Variants in SLC18A1 observed in about 807,000 individuals in gnomAD.
SLC18A1 encodes chromaffin granule amine transporter.
In SLC18A1, 69 loss-of-function variants were observed where a neutral mutation model predicts 53.7. The observed-to-expected ratio is 1.28, with a 90% confidence interval of 1.06 to 1.57. SLC18A1 has a LOEUF of 1.57. Among genes scored for constraint, SLC18A1 ranks in the 40% most tolerant of loss-of-function variants. SLC18A1 has a pLI of 0.00. For synonymous variants in SLC18A1, 320 were observed against 248.1 expected, an observed-to-expected ratio of 1.29 and a Z score of -2.72; for missense variants, 932 against 668.1, an observed-to-expected ratio of 1.40 and a Z score of -4.35.
At position 20,171,124 on chromosome 8, in the gene SLC18A1, C is replaced by T. The variant is rs771922514; in HGVS notation, c.837G>A (p.Gln279=). The change falls in exon 8 of 16, where the codon CAG becomes CAA. Residue 279 remains glutamine, a synonymous_variant. Coordinates refer to ENST00000276373, the MANE Select transcript of SLC18A1 (RefSeq NM_003053.4). ...TTACCTCAGGAGAGACTTTGGAAGG[C>T]TGTAGGATGCAAAGCTGGAGTGCTA... ...LDGALQLCIL[Q]PSKVSPESAK... The T allele has an allele frequency of 9.3e-6, 15 of 1,614,052 alleles. No individual in the cohort carries two copies. In the South Asian group the frequency reaches 1.3e-4, roughly 14 times the overall value.
rs1585222003 is a variant in SLC18A1, at chr8:20,174,415, G to C, written c.577C>G (p.Leu193Val). 6.2e-7 allele frequency: 1 copy of C among 1,613,976 alleles called. No individual in the cohort carries two copies. The highest frequency in any genetic ancestry group is 8.5e-7 in the Non-Finnish European group (1 of 1,179,874). The change falls in exon 5 of 16, where the codon CTC becomes GTC. Residue 193 changes from leucine to valine, a missense_variant. By Grantham distance (32) the Leu-to-Val change is conservative. Coordinates refer to ENST00000276373, the MANE Select transcript of SLC18A1 (RefSeq NM_003053.4). ...MFAFSGTYTL[L>V]FVARTLQGIG... ...CCTTGAAGGGTTCGGGCCACAAAGAGTAGAGTATAGGTCCCAGAAAAAGCA... is the reference window on the plus strand; with the variant it reads ...CCTTGAAGGGTTCGGGCCACAAAGACTAGAGTATAGGTCCCAGAAAAAGCA...
rs76031853 is a variant in SLC18A1 at position 20,150,918 on chromosome 8, C to G, written c.1016-174G>C. On this transcript the variant is annotated intron_variant, in intron 10 of 15. Transcript: ENST00000276373. Reference sequence around the variant, plus strand: ...CACAGTAGTTGCCATAGGACCCCCACACCTCTCCTTTCTTCAGGAGCAAGG... The same window carrying G: ...CACAGTAGTTGCCATAGGACCCCCAGACCTCTCCTTTCTTCAGGAGCAAGG... 4 of 611,738 alleles carry G rather than the reference C, an allele frequency of 6.5e-6. No homozygotes were observed. In the African/African-American group the frequency reaches 7.4e-5, roughly 11 times the overall value. The allele number at this position is 611,738 out of a possible 1,614,324, so 37.9% of individuals were successfully genotyped here. A position where few individuals can be genotyped will look rare whatever the true frequency, so the allele number is the denominator to read the frequency against.
chr8:20,181,217 T>TGA (rs1246848835), intron 1 of SLC18A1, 130 bp from the exon 2 acceptor site: 1 of 329,546 alleles, frequency 3.0e-6, no homozygotes, highest in Non-Finnish European at 5.6e-6. Flanking sequence ...GCCTTCCTGG[T>TGA]AAGCATCGCT....
At chr8:20,151,130 C>A (rs1217036399) in intron 10 of SLC18A1, 1 of 161,408 alleles carries the variant, frequency 6.2e-6, no homozygotes, top group Admixed American at 6.2e-5. Context: ...CACCACCACA[C>A]CTAGTTGTTT....
intron 3 of SLC18A1, among the ~76,000 whole-genome samples, chr8:20,178,773 A>G (rs905517717): frequency 1.3e-5 from 2 of 152,180 alleles, no homozygotes; most frequent in African/African-American, 2.4e-5. Context: ...ATAATCGTCA[A>G]TACAACTCCT....
Position 20,165,814 on chromosome 8 carries a change from CCTT to C in SLC18A1, c.859-710_859-708del, listed in dbSNP as rs538800400. The stretch of plus-strand genomic sequence containing the variant: ...TCTTTAAAGTCAAGCTTAAATGGCT[CCTT>C]CTTTTCTAGAGAGCTCCCTGACTCA... On this transcript the variant is annotated intron_variant, in intron 8 of 15. Coordinates refer to ENST00000276373, the MANE Select transcript of SLC18A1 (RefSeq NM_003053.4). Among the ~76,000 whole-genome samples the C allele has an allele frequency of 4.5e-4, 68 of 152,246 alleles. 1 individual carries two copies. The highest frequency in any genetic ancestry group is 1.6e-3 in the African/African-American group (67 of 41,554).
At chr8:20,164,611 A>G (rs921671167) in intron 10 of SLC18A1, among the ~76,000 whole-genome samples, 1 of 152,152 alleles carries the variant, frequency 6.6e-6, no homozygotes, top group Non-Finnish European at 1.5e-5. Flanking sequence ...GAATCTTTGG[A>G]CTGGAAATCA....
At chr8:20,166,796 G>C (rs2071978539) in intron 8 of SLC18A1, among the ~76,000 whole-genome samples, 1 of 152,072 alleles carries the variant, frequency 6.6e-6, no homozygotes, top group Non-Finnish European at 1.5e-5. Context: ...AGGTAATTAA[G>C]GTTAAATGAG....
At chr8:20,163,244 T>C (rs1242366672) in intron 10 of SLC18A1, among the ~76,000 whole-genome samples, 1 of 152,136 alleles carries the variant, frequency 6.6e-6, no homozygotes, top group Non-Finnish European at 1.5e-5. Context: ...CTCACTCCCA[T>C]GATAATGGCC....
chr8:20,178,594 G>T, intron 3 of SLC18A1, 101 bp from the exon 4 acceptor site: 1 of 833,354 alleles, frequency 1.2e-6, no homozygotes, highest in Non-Finnish European at 1.9e-6. Flanking sequence ...GCAGCTATTT[G>T]GGTGTATGGT....
At chr8:20,161,324 A>C (rs1356329303) in intron 10 of SLC18A1, among the ~76,000 whole-genome samples, 3 of 152,212 alleles carry the variant, frequency 2.0e-5, no homozygotes. Context: ...CTTGGATTCA[A>C]CTAATCGCAG....
rs1370227078 is a variant in SLC18A1 at position 20,180,942 on chromosome 8, G to A, written c.23C>T (p.Ala8Val). ...CCCCTCCTTCAGCAACCGCTGGGGAGCATCCAGAATGGTCCGGAGCATGGT... is the reference window on the plus strand; with the variant it reads ...CCCCTCCTTCAGCAACCGCTGGGGAACATCCAGAATGGTCCGGAGCATGGT... MLRTILD[A>V]PQRLLKEGRA... Residue 8 changes from alanine to valine, a missense_variant, in exon 2 of 16, where the codon GCT becomes GTT. By Grantham distance (64) the Ala-to-Val change is moderately conservative (BLOSUM62 0). Transcript: ENST00000276373. 3.8e-6 allele frequency: 6 copies of A among 1,593,566 alleles called. No individual in the cohort carries two copies. In the East Asian group the frequency reaches 1.2e-4, roughly 31 times the overall value.
chr8:20,178,690 T>C (rs77280756), intron 3 of SLC18A1, among the ~76,000 whole-genome samples, 197 bp from the exon 4 acceptor site: 2,307 of 152,264 alleles, frequency 0.015, 57 homozygotes, highest in African/African-American at 0.052. Flanking sequence ...GATATGACCA[T>C]AGATCAGGGC....
chr8:20,150,658 C>G lies in SLC18A1; in HGVS notation c.1094+8G>C, dbSNP rs751251164. On this transcript the variant is annotated splice_region_variant and intron_variant, in intron 11 of 15. Coordinates refer to ENST00000276373, the MANE Select transcript of SLC18A1 (RefSeq NM_003053.4). ...CTACTGTTCGTCCCAGATCCCGAGG[C>G]TACATACCGACCCATCTTGTTGGCC... 6.2e-7 allele frequency: 1 copy of G among 1,613,128 alleles called. No homozygotes were observed. The highest frequency in any genetic ancestry group is 8.5e-7 in the Non-Finnish European group (1 of 1,179,092).
intron 4 of SLC18A1, 120 bp downstream of exon 4, chr8:20,178,315 C>G (rs965630026): frequency 1.4e-5 from 10 of 726,726 alleles, no homozygotes; most frequent in African/African-American, 3.6e-5. Context: ...AACCAATATT[C>G]CAGTCTGCTT....
At chr8:20,173,178 G>C (rs765135897) in intron 5 of SLC18A1, 50 bp from the exon 6 acceptor site, 16 of 1,344,410 alleles carry the variant, frequency 1.2e-5, no homozygotes, top group Non-Finnish European at 1.7e-5. Flanking sequence ...GCTTCTATCC[G>C]CCTCTCAGAG....
At position 20,165,776 on chromosome 8, in the gene SLC18A1, A is replaced by AC. The variant is rs1252372513; in HGVS notation, c.859-670_859-669insG. ...ACGTTCTGAGCTTCTCCATAGTTCC[A>AC]TGTTCTACCCACTCTTTAAAGTCAA... On this transcript the variant is annotated intron_variant, in intron 8 of 15. Transcript: ENST00000276373. 7.9e-5 allele frequency among the ~76,000 whole-genome samples: 12 copies of AC among 152,212 alleles called. No homozygotes were observed. The South Asian group carries it at 1.0e-3, about 13-fold the overall frequency.
chr8:20,178,997 G>T, intron 3 of SLC18A1, 124 bp downstream of exon 3: 2 of 1,170,872 alleles, frequency 1.7e-6, no homozygotes, highest in Non-Finnish European at 2.4e-6. Flanking sequence ...TTTCCGAATA[G>T]CTGACTCCCC....
At chr8:20,159,205 G>A (rs1455974692) in intron 10 of SLC18A1, among the ~76,000 whole-genome samples, 1 of 152,116 alleles carries the variant, frequency 6.6e-6, no homozygotes, top group Non-Finnish European at 1.5e-5. Flanking sequence ...ACTTTCAACT[G>A]CATGACCCCT....
Sources: gnomAD v4.1 joint callset for allele counts (sites outside exome capture counted in the v4.1 genomes callset) on GRCh38, gnomAD v4.1.1 for gene constraint, MANE v1.5 for transcripts, NCBI Gene and HGNC (gene_info 2026-07-23, HGNC 2026-07-21) for gene names.